CBFA2T3: variants seen among roughly 807,000 people sequenced by gnomAD.
CBFA2T3 encodes CBFA2/RUNX1 partner transcriptional co-repressor 3.
A neutral mutation model predicts 58.6 loss-of-function variants in CBFA2T3; 31 were observed. The observed-to-expected ratio is 0.53, with a 90% CI of 0.40 to 0.71. The LOEUF is 0.71. Among genes scored for constraint, CBFA2T3 ranks in the 30% least tolerant of loss-of-function variants. The probability of loss-of-function intolerance (pLI) is 0.00; values close to 1 mark genes in which losing one functional copy is unlikely to be tolerated. For synonymous variants in CBFA2T3, 531 were observed against 421.9 expected (o/e 1.26, Z -3.17); for missense variants, 1,076 against 963.1 (o/e 1.12, Z -1.55).
chr16:88,936,215 C>A (rs1567620135), intron 1 of CBFA2T3, among the ~76,000 whole-genome samples: 1 of 152,218 alleles, frequency 6.6e-6, no homozygotes, highest in Non-Finnish European at 1.5e-5. Flanking sequence ...AGGAGCCCTC[C>A]TGACTGCCCC....
intron 8 of CBFA2T3, among the ~76,000 whole-genome samples, chr16:88,882,411 CTGTGTGTGTATGGCTG>C (rs1969131061): frequency 1.4e-5 from 2 of 145,826 alleles, no homozygotes; most frequent in South Asian, 4.3e-4. Context: ...GTGGGTGTGG[CTGTGTGTGTATGGCTG>C]TGTGTGGGTG....
At chr16:88,928,380 G>A (rs1971155910) in intron 1 of CBFA2T3, among the ~76,000 whole-genome samples, 1 of 152,358 alleles carries the variant, frequency 6.6e-6, no homozygotes, top group Admixed American at 6.5e-5. Flanking sequence ...CACAACGCCA[G>A]GTCACTCCAA....
At chr16:88,880,977 G>A (rs1291203977) in intron 9 of CBFA2T3, 189 bp from the exon 10 acceptor site, 11 of 673,922 alleles carry the variant, frequency 1.6e-5, no homozygotes, top group Non-Finnish European at 2.9e-5. Flanking sequence ...GGGGGCATTG[G>A]AGCTGTGGAC....
chr16:88,930,026 C>T (rs565641218), intron 1 of CBFA2T3, among the ~76,000 whole-genome samples: 1 of 147,326 alleles, frequency 6.8e-6, no homozygotes, highest in Admixed American at 6.6e-5. Context: ...GCATCATCCA[C>T]GCAAAAGTCA....
At chr16:88,973,870 C>G (rs542188349) in intron 1 of CBFA2T3, among the ~76,000 whole-genome samples, 2 of 152,118 alleles carry the variant, frequency 1.3e-5, no homozygotes, top group Non-Finnish European at 2.9e-5. Context: ...TGCCCAGTCC[C>G]CATAACATCT....
At chr16:88,924,443 C>T (rs931766270) in intron 1 of CBFA2T3, among the ~76,000 whole-genome samples, 19 of 152,098 alleles carry the variant, frequency 1.2e-4, no homozygotes, top group Admixed American at 9.8e-4. Context: ...ACGAGGCTCT[C>T]GGGGGCGATG....
chr16:88,905,472 CTT>C (rs1163635909), intron 1 of CBFA2T3, among the ~76,000 whole-genome samples: 4 of 151,930 alleles, frequency 2.6e-5, no homozygotes, highest in East Asian at 1.9e-4. Flanking sequence ...GGTCCTGCCT[CTT>C]GTTTGACCTG....
intron 3 of CBFA2T3, among the ~76,000 whole-genome samples, chr16:88,895,438 T>C (rs570604059): frequency 2.1e-3 from 316 of 152,276 alleles, no homozygotes; most frequent in African/African-American, 7.3e-3. Flanking sequence ...GCTGCGCGGT[T>C]ATCACACACA....
chr16:88,905,251 A>T (rs1467278278), intron 1 of CBFA2T3, among the ~76,000 whole-genome samples: 1 of 152,006 alleles, frequency 6.6e-6, no homozygotes, highest in African/African-American at 2.4e-5. Flanking sequence ...TCCACTGTAC[A>T]TGGGGCTTCA....
At chr16:88,921,604 G>GA (rs1453452063) in intron 1 of CBFA2T3, among the ~76,000 whole-genome samples, 1 of 151,764 alleles carries the variant, frequency 6.6e-6, no homozygotes, top group Admixed American at 6.5e-5. Context: ...CTGGGGGAGG[G>GA]AGGGGGGGCG....
intron 1 of CBFA2T3, among the ~76,000 whole-genome samples, chr16:88,969,401 T>C (rs1972592546): frequency 6.6e-6 from 1 of 152,206 alleles, no homozygotes; most frequent in Non-Finnish European, 1.5e-5. Flanking sequence ...GTGGGAGGCC[T>C]GGTGTCTGCA....
intron 1 of CBFA2T3, among the ~76,000 whole-genome samples, chr16:88,961,274 C>G (rs1007039411): frequency 1.3e-5 from 2 of 152,202 alleles, no homozygotes; most frequent in East Asian, 3.8e-4. Context: ...TCTGTAGGAA[C>G]TGACACACAG....
At chr16:88,898,035 G>T in intron 3 of CBFA2T3, 43 bp downstream of exon 3, 1 of 1,434,232 alleles carries the variant, frequency 7.0e-7, no homozygotes, top group Non-Finnish European at 9.8e-7. Flanking sequence ...ATGCTGCGGT[G>T]AAGACCTCTG....
intron 2 of CBFA2T3, 45 bp from the exon 3 acceptor site, chr16:88,898,197 C>T (rs1309796472): frequency 6.8e-7 from 1 of 1,475,670 alleles, no homozygotes; most frequent in Non-Finnish European, 9.4e-7. Context: ...GGGGCGTGGG[C>T]AGGAGACTCT....
chr16:88,915,039 C>T (rs1459867965), intron 1 of CBFA2T3, among the ~76,000 whole-genome samples: 2 of 151,134 alleles, frequency 1.3e-5, no homozygotes, highest in African/African-American at 4.9e-5. Context: ...GGGCGCTGTC[C>T]TTACCCAGCA....
chr16:88,892,223 G>A (rs374226791), intron 4 of CBFA2T3, 21 bp downstream of exon 4: 29 of 1,600,354 alleles, frequency 1.8e-5, no homozygotes, highest in East Asian at 4.5e-5. Context: ...CCAAGGCCCC[G>A]GCTGTCCCTG....
intron 1 of CBFA2T3, among the ~76,000 whole-genome samples, chr16:88,949,876 G>C (rs1039751170): frequency 6.6e-6 from 1 of 151,962 alleles, no homozygotes; most frequent in Non-Finnish European, 1.5e-5. Context: ...TGGGCGTGGT[G>C]GTGGGTGCCT....
chr16:88,901,224 G>T (rs758452506), intron 2 of CBFA2T3, among the ~76,000 whole-genome samples: 19 of 152,230 alleles, frequency 1.2e-4, no homozygotes, highest in Non-Finnish European at 2.8e-4. Flanking sequence ...GGCCTGTGTG[G>T]ACTCACCTGG....
At chr16:88,963,338 CTTT>C (rs36069741) in intron 1 of CBFA2T3, among the ~76,000 whole-genome samples, 1 of 135,890 alleles carries the variant, frequency 7.4e-6, no homozygotes, top group Non-Finnish European at 1.5e-5. Flanking sequence ...TTCTGCCAGG[CTTT>C]TTTTTTTTTT....
Sources: gnomAD v4.1 joint callset for allele counts (sites outside exome capture counted in the v4.1 genomes callset) on GRCh38, gnomAD v4.1.1 for gene constraint, MANE v1.5 for transcripts, NCBI Gene and HGNC (gene_info 2026-07-23, HGNC 2026-07-21) for gene names.